Variants in SLC9A9 observed in about 807,000 individuals in gnomAD.
The protein encoded by SLC9A9 is sodium/hydrogen exchanger 9.
In SLC9A9, 62 loss-of-function variants were observed where a neutral mutation model predicts 77.8. The observed-to-expected ratio is 0.80, with a 90% CI of 0.65 to 0.98. The LOEUF (loss-of-function observed/expected upper bound fraction) is 0.98, where lower values mean the gene tolerates loss of function less well. Among genes scored for constraint, SLC9A9 ranks in the 50% least tolerant of loss-of-function variants. The probability of loss-of-function intolerance (pLI) is 0.00; values close to 1 mark genes in which losing one functional copy is unlikely to be tolerated. For synonymous variants in SLC9A9, 320 were observed against 283.5 expected (o/e 1.13, Z -1.29); for missense variants, 775 against 774.9 (o/e 1.00, Z 0.00).
intron 6 of SLC9A9, among the ~76,000 whole-genome samples, chr3:143,622,448 G>C (rs886909305): frequency 7.9e-5 from 12 of 152,168 alleles, no homozygotes; most frequent in Non-Finnish European, 1.5e-5. Context: ...AGAAGAGAGT[G>C]GGGGCCAATA....
chr3:143,835,437 G>C (rs140020351), intron 1 of SLC9A9, among the ~76,000 whole-genome samples: 1 of 152,354 alleles, frequency 6.6e-6, no homozygotes, highest in East Asian at 1.9e-4. Context: ...TGCTGCAGCA[G>C]CGGCAGCTGG....
chr3:143,372,826 A>C (rs961190062), intron 13 of SLC9A9, among the ~76,000 whole-genome samples: 5 of 152,166 alleles, frequency 3.3e-5, no homozygotes, highest in African/African-American at 1.2e-4. Context: ...CAAAAGAAGA[A>C]ATACAAATGG....
chr3:143,695,648 T>C (rs1026467403), intron 4 of SLC9A9, among the ~76,000 whole-genome samples: 1 of 152,186 alleles, frequency 6.6e-6, no homozygotes. Flanking sequence ...TAAACATATG[T>C]ATGCATGTGT....
chr3:143,569,976 CTTT>C (rs548388783), intron 8 of SLC9A9, among the ~76,000 whole-genome samples: 1 of 144,038 alleles, frequency 6.9e-6, no homozygotes, highest in Admixed American at 7.0e-5. Context: ...TGACCAGATA[CTTT>C]TTTTTTTTTA....
intron 6 of SLC9A9, among the ~76,000 whole-genome samples, chr3:143,587,698 T>A (rs554900556): frequency 1.3e-5 from 2 of 152,356 alleles, no homozygotes; most frequent in African/African-American, 4.8e-5. Context: ...TGATGGAATA[T>A]TCCAGGTGAA....
At chr3:143,719,594 A>G (rs562833251) in intron 4 of SLC9A9, among the ~76,000 whole-genome samples, 1 of 152,332 alleles carries the variant, frequency 6.6e-6, no homozygotes, top group South Asian at 2.1e-4. Context: ...GATGTGGCCC[A>G]GGGCAGGTAT....
intron 5 of SLC9A9, among the ~76,000 whole-genome samples, chr3:143,678,007 T>C (rs575114365): frequency 6.6e-6 from 1 of 152,228 alleles, no homozygotes; most frequent in East Asian, 1.9e-4. Flanking sequence ...TTTGTATTTT[T>C]AGTAGAGACG....
chr3:143,651,688 C>A (rs28410439), intron 6 of SLC9A9, among the ~76,000 whole-genome samples: 7,887 of 152,246 alleles, frequency 0.052, 272 homozygotes, highest in African/African-American at 0.097. Flanking sequence ...CACTGGCTCT[C>A]ATCCCCCCAC....
At chr3:143,533,045 C>A (rs2036538456) in intron 9 of SLC9A9, among the ~76,000 whole-genome samples, 1 of 152,210 alleles carries the variant, frequency 6.6e-6, no homozygotes, top group Admixed American at 6.5e-5. Flanking sequence ...GGGAGCAGGG[C>A]CCATGGAGGT....
chr3:143,393,820 C>T (rs1377092574), intron 12 of SLC9A9, among the ~76,000 whole-genome samples: 2 of 151,856 alleles, frequency 1.3e-5, no homozygotes, highest in African/African-American at 4.8e-5. Context: ...ATACTATAAA[C>T]ATCTCTATGC....
At chr3:143,366,721 A>T (rs961292177) in intron 13 of SLC9A9, among the ~76,000 whole-genome samples, 5 of 152,232 alleles carry the variant, frequency 3.3e-5, no homozygotes, top group African/African-American at 1.2e-4. Context: ...GTGGTCTATT[A>T]TTATTCCTAT....
chr3:143,266,991 T>A, intron 15 of SLC9A9, 62 bp from the exon 16 acceptor site: 1 of 1,478,088 alleles, frequency 6.8e-7, no homozygotes, highest in Non-Finnish European at 9.3e-7. Flanking sequence ...ATAGCAGTCC[T>A]ACAATTTTTT....
intron 4 of SLC9A9, among the ~76,000 whole-genome samples, chr3:143,751,198 T>G (rs987650743): frequency 3.9e-5 from 6 of 152,208 alleles, no homozygotes; most frequent in Non-Finnish European, 8.8e-5. Context: ...AGGCTCATGC[T>G]GTGTGGAGAA....
chr3:143,785,942 C>A (rs977959784), intron 4 of SLC9A9, among the ~76,000 whole-genome samples: 1 of 149,864 alleles, frequency 6.7e-6, no homozygotes. Flanking sequence ...CTGCAAGCTC[C>A]GCCTCCCGGG....
At chr3:143,410,822 C>G (rs548833235) in intron 12 of SLC9A9, among the ~76,000 whole-genome samples, 2 of 152,016 alleles carry the variant, frequency 1.3e-5, no homozygotes, top group Non-Finnish European at 2.9e-5. Context: ...GTCCTATACA[C>G]TTTGGTATGA....
intron 4 of SLC9A9, among the ~76,000 whole-genome samples, chr3:143,721,783 T>C (rs570404150): frequency 6.6e-6 from 1 of 152,062 alleles, no homozygotes; most frequent in Admixed American, 6.5e-5. Flanking sequence ...AGGAGAAAAA[T>C]AGCCACATGG....
intron 9 of SLC9A9, among the ~76,000 whole-genome samples, chr3:143,515,896 T>C (rs2036195819): frequency 6.6e-6 from 1 of 152,194 alleles, no homozygotes; most frequent in Non-Finnish European, 1.5e-5. Context: ...CCTCATGAAA[T>C]GATTTGAGGT....
rs565071143 is a variant in SLC9A9, at chr3:143,483,601, T to C, written c.1315+10052A>G. ...AAATATCTTACTTATGCAAACTTTA[T>C]ATGCTCATCAGAACACACTGGTAGG... On this transcript the variant is annotated intron_variant, in intron 11 of 15. Transcript: ENST00000316549. Among the ~76,000 whole-genome samples, 13 of 152,320 alleles carry C rather than the reference T, an allele frequency of 8.5e-5. No homozygotes were observed. The East Asian group carries it at 2.5e-3, about 29-fold the overall frequency.
intron 6 of SLC9A9, among the ~76,000 whole-genome samples, chr3:143,606,436 C>CTCTCTCTCTCTCTCTCTA (rs1419410834): frequency 5.5e-5 from 3 of 54,218 alleles, no homozygotes; most frequent in African/African-American, 2.3e-4. Flanking sequence ...CTCTCTCTCT[C>CTCTCTCTCTCTCTCTCTA]TATATATATA....
Sources: allele counts gnomAD v4.1 joint callset (sites outside exome capture counted in the v4.1 genomes callset), GRCh38; gene constraint gnomAD v4.1.1; transcripts MANE v1.5; gene names NCBI Gene and HGNC (gene_info 2026-07-23, HGNC 2026-07-21).